Variants in MALRD1 observed in about 807,000 individuals in gnomAD.
MALRD1 encodes the protein MAM and LDL receptor class A domain containing 1, also known as MAM and LDL-receptor class A domain-containing protein 1.
A neutral mutation model predicts 242.1 loss-of-function variants in MALRD1; 247 were observed. That is an observed-to-expected ratio of 1.02 (90% CI 0.92 to 1.13). The LOEUF is 1.13. MALRD1 is among the 50% of genes most tolerant of loss of function. The pLI, the probability that MALRD1 is intolerant of heterozygous loss-of-function variation, is 0.00. For missense variants in MALRD1, 2,989 were observed against 2,533.1 expected (o/e 1.18, Z -3.86); for synonymous variants, 995 against 866.6 (o/e 1.15, Z -2.60).
chr10:19,167,141 C>G (rs564257872), intron 13 of MALRD1, among the ~76,000 whole-genome samples: 1 of 152,044 alleles, frequency 6.6e-6, no homozygotes, highest in East Asian at 1.9e-4. Flanking sequence ...GGGTGGATCA[C>G]GAGATCAGGA....
chr10:19,640,856 A>G (rs1840353221), intron 36 of MALRD1, among the ~76,000 whole-genome samples: 1 of 152,156 alleles, frequency 6.6e-6, no homozygotes, highest in Non-Finnish European at 1.5e-5. Flanking sequence ...TGTTTTTCTA[A>G]TGAAAATTGT....
At chr10:19,313,355 T>A (rs1235262501) in intron 21 of MALRD1, among the ~76,000 whole-genome samples, 1 of 151,428 alleles carries the variant, frequency 6.6e-6, no homozygotes, top group African/African-American at 2.4e-5. Context: ...AAAAGCCGCC[T>A]CCTAACTTAA....
intron 22 of MALRD1, among the ~76,000 whole-genome samples, chr10:19,325,161 T>C (rs1309791739): frequency 6.6e-6 from 1 of 151,874 alleles, no homozygotes; most frequent in Non-Finnish European, 1.5e-5. Flanking sequence ...ATTTACTGTT[T>C]TATATCAATG....
Position 19,387,742 on chromosome 10 carries a change from T to C in MALRD1, c.4656T>C (p.Pro1552=), listed in dbSNP as rs1375870337. The C allele has an allele frequency of 1.9e-6, 3 of 1,549,956 alleles. No individual in the cohort carries two copies. Among genetic ancestry groups the C allele is most frequent in the Non-Finnish European group, 2.6e-6 (3 of 1,146,722 alleles). The change falls in exon 27 of 40, where the codon CCT becomes CCC. Residue 1552 remains proline, a synonymous_variant. Coordinates refer to ENST00000454679, the MANE Select transcript of MALRD1 (RefSeq NM_001142308.3). ...LGVGSHQSLR[P]PKDHTLGNEN... ...TTGGCTCTCATCAAAGCTTAAGACC[T>C]CCCAAAGACCACACACTTGGAAATG...
intron 33 of MALRD1, among the ~76,000 whole-genome samples, chr10:19,588,146 G>A (rs1051608426): frequency 4.6e-5 from 7 of 151,956 alleles, no homozygotes; most frequent in East Asian, 1.9e-4. Context: ...AAATATATTC[G>A]AAAATTTTTT....
intron 8 of MALRD1, among the ~76,000 whole-genome samples, chr10:19,130,667 T>C (rs1833064147): frequency 6.6e-6 from 1 of 152,088 alleles, no homozygotes; most frequent in Admixed American, 6.6e-5. Context: ...TAATTATGAA[T>C]GTATGTATTG....
chr10:19,406,865 T>A (rs1847139689), intron 28 of MALRD1, among the ~76,000 whole-genome samples: 2 of 152,164 alleles, frequency 1.3e-5, no homozygotes, highest in Non-Finnish European at 2.9e-5. Context: ...CACCCTCACT[T>A]GTTATTGGAG....
chr10:19,305,191 T>C (rs1284323138), intron 21 of MALRD1, among the ~76,000 whole-genome samples: 2 of 151,660 alleles, frequency 1.3e-5, no homozygotes, highest in East Asian at 3.9e-4. Context: ...TTTTAACATA[T>C]CACGCAGTGG....
intron 29 of MALRD1, among the ~76,000 whole-genome samples, chr10:19,471,656 C>A (rs1836504462): frequency 1.2e-5 from 1 of 86,560 alleles, no homozygotes; most frequent in Non-Finnish European, 2.2e-5. Context: ...TATTTCACCT[C>A]TGCTTAATTT....
chr10:19,733,442 C>G (rs1405679702), intron 39 of MALRD1, among the ~76,000 whole-genome samples: 1 of 152,148 alleles, frequency 6.6e-6, no homozygotes, highest in East Asian at 1.9e-4. Context: ...AAACATTTAA[C>G]AAGAATGTCT....
At chr10:19,364,263 A>G (rs925801135) in intron 26 of MALRD1, among the ~76,000 whole-genome samples, 1 of 152,158 alleles carries the variant, frequency 6.6e-6, no homozygotes, top group Admixed American at 6.6e-5. Context: ...AACTGACATG[A>G]TTTAAATTTA....
chr10:19,353,866 G>A (rs1236808821), intron 26 of MALRD1, among the ~76,000 whole-genome samples: 1 of 149,880 alleles, frequency 6.7e-6, no homozygotes, highest in Non-Finnish European at 1.5e-5. Context: ...GTTTTCTGGT[G>A]GTTTTGTTTG....
chr10:19,226,331 C>T (rs1837799201), intron 18 of MALRD1, among the ~76,000 whole-genome samples: 2 of 152,086 alleles, frequency 1.3e-5, no homozygotes, highest in South Asian at 4.1e-4. Context: ...AGTACATTTT[C>T]AAACTGATTA....
At chr10:19,231,578 C>T (rs1015256109) in intron 18 of MALRD1, among the ~76,000 whole-genome samples, 2 of 152,122 alleles carry the variant, frequency 1.3e-5, no homozygotes, top group African/African-American at 4.8e-5. Context: ...GAATAAGTCT[C>T]ATGAGATCTG....
Position 19,351,990 on chromosome 10 carries a change from C to T in MALRD1, c.4150-16C>T, listed in dbSNP as rs1212328122. 1.3e-6 allele frequency: 2 copies of T among 1,522,138 alleles called. No homozygotes were observed. Among genetic ancestry groups the T allele is most frequent in the Non-Finnish European group, 1.8e-6 (2 of 1,122,854 alleles). 94.3% of individuals were successfully genotyped at this position (1,522,138 alleles called of 1,614,324 possible). ...ACTAATCATATCGTATGTAATATTC[C>T]TATTCTTGATTACAGATTATTTTTC... On this transcript the variant is annotated splice_polypyrimidine_tract_variant and intron_variant, in intron 25 of 39. Coordinates refer to ENST00000454679, the MANE Select transcript of MALRD1 (RefSeq NM_001142308.3).
At chr10:19,272,770 G>C (rs1014554258) in intron 19 of MALRD1, among the ~76,000 whole-genome samples, 1 of 152,156 alleles carries the variant, frequency 6.6e-6, no homozygotes, top group African/African-American at 2.4e-5. Flanking sequence ...CTGTGAGTGA[G>C]AACATGTGGT....
At chr10:19,541,337 T>G (rs1834959585) in intron 32 of MALRD1, among the ~76,000 whole-genome samples, 1 of 152,170 alleles carries the variant, frequency 6.6e-6, no homozygotes. Context: ...TAGGGAGATG[T>G]GTGTAGAAGT....
chr10:19,431,745 C>T (rs1342948889), intron 28 of MALRD1, among the ~76,000 whole-genome samples: 1 of 152,134 alleles, frequency 6.6e-6, no homozygotes. Context: ...ATTCCCCACC[C>T]CTCAGGGAAG....
chr10:19,618,853 T>C lies in MALRD1; in HGVS notation c.6137+2930T>C, dbSNP rs140952141. ...GGATATCACTGCCCATGCCTGTCAC[T>C]CTCCTTCACCCATTCTTTTTCTTTC... On this transcript the variant is annotated intron_variant, in intron 36 of 39. Transcript: ENST00000454679. Among the ~76,000 whole-genome samples, 12 of 152,122 alleles carry C rather than the reference T, an allele frequency of 7.9e-5. No homozygotes were observed. In the East Asian group the frequency reaches 2.3e-3, roughly 30 times the overall value.
Sources: allele counts gnomAD v4.1 joint callset (sites outside exome capture counted in the v4.1 genomes callset), GRCh38; gene constraint gnomAD v4.1.1; transcripts MANE v1.5; gene names NCBI Gene and HGNC (gene_info 2026-07-23, HGNC 2026-07-21).